The following TRAPPC3 variants were observed in gnomAD, a reference collection of about 807,000 sequenced individuals.
The protein encoded by TRAPPC3 is trafficking protein particle complex subunit 3.
Under a neutral mutation model 18.2 loss-of-function variants are expected in TRAPPC3, and 5 were observed. The ratio of observed to expected loss-of-function variants is 0.28; its 90% CI spans 0.14 to 0.58. The LOEUF (loss-of-function observed/expected upper bound fraction) is 0.58, where lower values mean the gene tolerates loss of function less well. TRAPPC3 is among the 20% of genes least tolerant of loss of function. TRAPPC3 has a pLI of 0.91. For missense variants in TRAPPC3, 176 were observed against 225.9 expected (o/e 0.78, Z 1.41); for synonymous variants, 65 against 84.2 (o/e 0.77, Z 1.25).
At chr1:36,137,564 G>A (rs2296268) in intron 4 of TRAPPC3, 418,167 of 628,242 alleles carry the variant, frequency 0.67, 145,065 homozygotes, top group Non-Finnish European at 0.75. Flanking sequence ...TCTGAGAATG[G>A]ATGTTCCTGG....
upstream of TRAPPC3, among the ~76,000 whole-genome samples, chr1:36,153,710 CATGGCTAA>C (rs1644289792): frequency 6.6e-6 from 1 of 152,190 alleles, no homozygotes. Flanking sequence ...TGTCTCTAAA[CATGGCTAA>C]ATGTCTCCTG....
intron 2 of TRAPPC3, 74 bp from the exon 3 acceptor site, chr1:36,139,893 T>C: frequency 1.3e-6 from 2 of 1,580,174 alleles, no homozygotes; most frequent in Admixed American, 3.7e-5. Context: ...TTGTTGGTGG[T>C]AAAGGGAAAA....
intron 1 of TRAPPC3, among the ~76,000 whole-genome samples, chr1:36,144,107 G>C (rs1467295846): frequency 2.0e-5 from 3 of 151,884 alleles, no homozygotes; most frequent in Non-Finnish European, 4.4e-5. Flanking sequence ...GGCCAACATG[G>C]TGAAACCCCG....
intron 1 of TRAPPC3, 123 bp downstream of exon 1, chr1:36,149,214 G>A: frequency 6.5e-7 from 1 of 1,534,974 alleles, no homozygotes; most frequent in Non-Finnish European, 8.8e-7. Context: ...CCAGCAAGAG[G>A]CTTCCCCTTG....
upstream of TRAPPC3, chr1:36,149,511 C>T (rs1421738736): frequency 1.7e-6 from 2 of 1,180,294 alleles, no homozygotes; most frequent in Non-Finnish European, 2.4e-6. Context: ...GCGCGGCCTC[C>T]CGCGGGGCAC....
At chr1:36,143,298 T>G (rs1419734059) in intron 1 of TRAPPC3, among the ~76,000 whole-genome samples, 1 of 152,162 alleles carries the variant, frequency 6.6e-6, no homozygotes, top group African/African-American at 2.4e-5. Context: ...AAGGCCTCAC[T>G]AAGGTGATAT....
intron 3 of TRAPPC3, among the ~76,000 whole-genome samples, chr1:36,138,617 A>G (rs568056738): frequency 4.0e-4 from 61 of 152,278 alleles, no homozygotes; most frequent in Non-Finnish European, 8.1e-4. Context: ...AATAGTAAAC[A>G]TTTACTATAT....
chr1:36,152,347 G>A (rs1483940307), upstream of TRAPPC3, among the ~76,000 whole-genome samples: 4 of 140,982 alleles, frequency 2.8e-5, no homozygotes, highest in South Asian at 2.2e-4. Flanking sequence ...TTGCTCCGTC[G>A]CCCAGGCTGG....
At chr1:36,147,501 A>G (rs1644218881) in intron 1 of TRAPPC3, among the ~76,000 whole-genome samples, 1 of 149,786 alleles carries the variant, frequency 6.7e-6, no homozygotes, top group Admixed American at 6.6e-5. Flanking sequence ...AAAATTAGCC[A>G]GGCATGGTGG....
chr1:36,137,368 C>A (rs374226346), intron 4 of TRAPPC3, 46 bp from the exon 5 acceptor site: 8 of 1,588,758 alleles, frequency 5.0e-6, no homozygotes, highest in Non-Finnish European at 6.9e-6. Context: ...TGGCCACAGC[C>A]TCTAGGGAAC....
chr1:36,155,045 A>T (rs1295154964), intron 1 of TRAPPC3, among the ~76,000 whole-genome samples: 1 of 152,186 alleles, frequency 6.6e-6, no homozygotes. Flanking sequence ...AGCTGCTTAA[A>T]GGAAGGAGAA....
intron 1 of TRAPPC3, chr1:36,155,718 G>C: frequency 6.6e-6 from 1 of 152,324 alleles, no homozygotes; most frequent in East Asian, 1.9e-4. Flanking sequence ...ACGTCCCCCG[G>C]GCCGCTTTGG....
chr1:36,144,396 G>C (rs143681377), intron 1 of TRAPPC3, among the ~76,000 whole-genome samples: 6,127 of 150,850 alleles, frequency 0.041, 415 homozygotes, highest in African/African-American at 0.14. Context: ...TATAATCCCA[G>C]CACTTTGGGA....
chr1:36,137,668 TC>T, intron 4 of TRAPPC3, 127 bp downstream of exon 4: 1 of 973,938 alleles, frequency 1.0e-6, no homozygotes, highest in Non-Finnish European at 1.5e-6. Flanking sequence ...CTCAGCAGCA[TC>T]ACCATCTCAG....
chr1:36,149,066 A>C (rs960320531), intron 1 of TRAPPC3: 148 of 1,377,330 alleles, frequency 1.1e-4, no homozygotes, highest in Admixed American at 1.2e-4. Context: ...GAGAGAAGTT[A>C]AGTGGCAGTT....
upstream of TRAPPC3, among the ~76,000 whole-genome samples, chr1:36,153,223 G>A (rs56263257): frequency 0.1 from 15,442 of 152,178 alleles, 1,874 homozygotes; most frequent in East Asian, 0.48. Flanking sequence ...GCCCCATGCA[G>A]CGTTACCTAG....
At chr1:36,143,109 C>T (rs553515332) in intron 1 of TRAPPC3, among the ~76,000 whole-genome samples, 3 of 152,206 alleles carry the variant, frequency 2.0e-5, no homozygotes, top group African/African-American at 7.2e-5. Context: ...ATCACTGATT[C>T]AACATTTACT....
At position 36,137,026 on chromosome 1, in the gene TRAPPC3, T is replaced by G; in HGVS notation, c.*177A>C. The G allele has an allele frequency of 9.5e-6, 6 of 628,320 alleles. No homozygotes were observed. Among genetic ancestry groups the G allele is most frequent in the Admixed American group, 2.9e-5 (1 of 34,948 alleles). 38.9% of individuals were successfully genotyped at this position (628,320 alleles called of 1,614,324 possible). A position where few individuals can be genotyped will look rare whatever the true frequency, so the allele number is the denominator to read the frequency against. ...ACTGTCGCTCCTGAATGTGCACACA[T>G]GGGGTAAATGGACTATATCGCAGTC... On this transcript the variant is annotated 3_prime_UTR_variant, in exon 5 of 5. Transcript: ENST00000373166.
At chr1:36,149,926 C>T (rs543994642), upstream of TRAPPC3, among the ~76,000 whole-genome samples, 2 of 152,184 alleles carry the variant, frequency 1.3e-5, no homozygotes, top group East Asian at 1.9e-4. Flanking sequence ...GAATTGGCTT[C>T]TTCATTAGAA....
Sources: allele counts gnomAD v4.1 joint callset (sites outside exome capture counted in the v4.1 genomes callset), GRCh38; gene constraint gnomAD v4.1.1; transcripts MANE v1.5; gene names NCBI Gene and HGNC (gene_info 2026-07-23, HGNC 2026-07-21).